Variants in CA1 observed in about 807,000 individuals in gnomAD.
CA1 encodes carbonic anhydrase 1, also known as carbonate dehydratase I.
A neutral mutation model predicts 28.8 loss-of-function variants in CA1; 27 were observed. That is an observed-to-expected ratio of 0.94 (90% CI 0.69 to 1.29). The LOEUF (loss-of-function observed/expected upper bound fraction) is 1.29. CA1 is among the 50% of genes most tolerant of loss of function. CA1 has a pLI of 0.00. For missense variants in CA1, 335 were observed against 310.5 expected, an observed-to-expected ratio of 1.08 and a Z score of -0.59; for synonymous variants, 121 against 108.8, an observed-to-expected ratio of 1.11 and a Z score of -0.70.
chr8:85,331,369 T>G (rs1188766104), intron 6 of CA1, among the ~76,000 whole-genome samples: 1 of 152,128 alleles, frequency 6.6e-6, no homozygotes, highest in African/African-American at 2.4e-5. Context: ...GTCTGACTTT[T>G]TTGTTGTTCT....
chr8:85,343,177 G>A (rs865869389), intron 1 of CA1: 1 of 151,978 alleles, frequency 6.6e-6, no homozygotes, highest in Non-Finnish European at 1.5e-5. Flanking sequence ...AGGATCTCTT[G>A]CACCTAGGAG....
At chr8:85,363,301 G>C (rs1809870449) in intron 1 of CA1, among the ~76,000 whole-genome samples, 1 of 152,200 alleles carries the variant, frequency 6.6e-6, no homozygotes, top group Non-Finnish European at 1.5e-5. Context: ...GTTCATGCAG[G>C]TGATAAATGC....
chr8:85,355,951 TC>T (rs2130315344), intron 1 of CA1, among the ~76,000 whole-genome samples: 1 of 152,210 alleles, frequency 6.6e-6, no homozygotes, highest in Admixed American at 6.5e-5. Flanking sequence ...TTGACATAAT[TC>T]CCATGACAAC....
intron 1 of CA1, 149 bp downstream of exon 1, chr8:85,377,897 G>A (rs901956901): frequency 2.6e-5 from 4 of 152,180 alleles, no homozygotes; most frequent in African/African-American, 9.7e-5. Context: ...AAACTATAAA[G>A]GTTTTTTAAG....
intron 1 of CA1, among the ~76,000 whole-genome samples, chr8:85,346,533 C>T (rs922922339): frequency 1.3e-5 from 2 of 151,968 alleles, no homozygotes; most frequent in Non-Finnish European, 2.9e-5. Flanking sequence ...AAGCTGAGAC[C>T]GGTGGATCAC....
intron 6 of CA1, 113 bp downstream of exon 6, chr8:85,332,377 G>A: frequency 1.3e-6 from 1 of 794,532 alleles, no homozygotes; most frequent in Non-Finnish European, 2.2e-6. Context: ...ATTTTCAGTT[G>A]GTAGCTTTTA....
intron 1 of CA1, among the ~76,000 whole-genome samples, chr8:85,351,196 C>T (rs1809397820): frequency 6.6e-6 from 1 of 152,242 alleles, no homozygotes; most frequent in Admixed American, 6.5e-5. Flanking sequence ...CCAGTGACTT[C>T]TTCCAAGGGA....
At chr8:85,335,745 C>T (rs543347177) in intron 4 of CA1, among the ~76,000 whole-genome samples, 1 of 152,238 alleles carries the variant, frequency 6.6e-6, no homozygotes, top group East Asian at 1.9e-4. Flanking sequence ...AAAGATAATA[C>T]TAATTTAGGC....
intron 1 of CA1, chr8:85,343,099 C>G (rs912492486): frequency 6.6e-6 from 1 of 151,936 alleles, no homozygotes; most frequent in African/African-American, 2.4e-5. Context: ...ACTTTACGTA[C>G]ATTAACTTAT....
chr8:85,336,929 T>C lies in CA1; in HGVS notation c.354+16A>G. The C allele has an allele frequency of 1.4e-6, 2 of 1,449,082 alleles. No individual in the cohort carries two copies. Among genetic ancestry groups the C allele is most frequent in the Non-Finnish European group, 1.9e-6 (2 of 1,029,696 alleles). 89.8% of individuals were successfully genotyped at this position (1,449,082 alleles called of 1,614,324 possible). A position where few individuals can be genotyped will look rare whatever the true frequency, so the allele number is the denominator to read the frequency against. ...ACTCTCAGGGTAATTATCTCTCACT[T>C]ACTAAATTACATTACCTCGGCAGAA... On this transcript the variant is annotated intron_variant, in intron 4 of 7. Coordinates refer to ENST00000523022, the MANE Select transcript of CA1 (RefSeq NM_001128831.4).
chr8:85,334,641 T>G (rs1170830162), intron 4 of CA1, among the ~76,000 whole-genome samples: 8 of 139,710 alleles, frequency 5.7e-5, no homozygotes, highest in African/African-American at 2.1e-4. Flanking sequence ...CCTCCCTCCC[T>G]TCTTTCCTGC....
In CA1 at chr8:85,376,695, AAATAAATAAAT is replaced by A. The variant is rs1312626429; in HGVS notation, c.-25+1340_-25+1350del. Among the ~76,000 whole-genome samples, 26 of 150,798 alleles carry A rather than the reference AAATAAATAAAT, an allele frequency of 1.7e-4. No individual in the cohort carries two copies. The South Asian group carries it at 3.7e-3, about 22-fold the overall frequency. ...TAAATAAATAAATAAATAAATAAAT[AAATAAATAAAT>A]AAAACTAGGTAAGGGTACACATGAT... On this transcript the variant is annotated intron_variant, in intron 1 of 7. Transcript: ENST00000523022.
chr8:85,347,036 G>A (rs1473098704), intron 1 of CA1, among the ~76,000 whole-genome samples: 1 of 152,120 alleles, frequency 6.6e-6, no homozygotes, highest in Non-Finnish European at 1.5e-5. Flanking sequence ...TAATTACCTT[G>A]TAGTAACATC....
In CA1 at chr8:85,336,993, A is replaced by G. The variant is rs1808685060; in HGVS notation, c.306T>C (p.Asn102=). 6.2e-7 allele frequency: 1 copy of G among 1,613,020 alleles called. No homozygotes were observed. The highest frequency in any genetic ancestry group is 2.2e-5 in the East Asian group (1 of 44,846). The change falls in exon 4 of 8, where the codon AAT becomes AAC. Residue 102 remains asparagine (N), a synonymous_variant. Transcript: ENST00000523022. ...CCACTGTATGTTCTGAACCATGCTC[A>G]TTTGTACTGCCCCAGTGAAAATGGA... is the stretch of plus-strand genomic sequence containing the variant. ...FQFHFHWGST[N]EHGSEHTVDG...
intron 7 of CA1, among the ~76,000 whole-genome samples, chr8:85,329,201 CGT>C (rs1808295338): frequency 6.6e-6 from 1 of 152,058 alleles, no homozygotes; most frequent in Non-Finnish European, 1.5e-5. Context: ...ATGTAAGGCA[CGT>C]AATAAACATG....
intron 1 of CA1, among the ~76,000 whole-genome samples, chr8:85,366,165 C>CT (rs11395706): frequency 0.6 from 77,568 of 128,262 alleles, 24,003 homozygotes; most frequent in African/African-American, 0.76. Context: ...CTTTCTTCCC[C>CT]TTTTTTTTTT....
In CA1 at chr8:85,336,948, G is replaced by A. The variant is rs779414954; in HGVS notation, c.351C>T (p.Ala117=). The A allele has an allele frequency of 1.1e-5, 17 of 1,573,180 alleles. No individual in the cohort carries two copies. Among genetic ancestry groups the A allele is most frequent in the East Asian group, 2.2e-5 (1 of 44,612 alleles). The part of the protein sequence containing the change: ...EHTVDGVKYS[A]ELHVAHWNSA... ...CTCACTTACTAAATTACATTACCTC[G>A]GCAGAATATTTGACTCCATCCACTG... is the stretch of plus-strand genomic sequence containing the variant. The change falls in exon 4 of 8, where the codon GCC becomes GCT. Residue 117 remains alanine, a synonymous_variant. Transcript: ENST00000523022.
At chr8:85,353,544 T>C (rs892839912) in intron 1 of CA1, among the ~76,000 whole-genome samples, 1 of 152,234 alleles carries the variant, frequency 6.6e-6, no homozygotes, top group Non-Finnish European at 1.5e-5. Context: ...TCCCTTACTT[T>C]TTCCCCTTAA....
intron 1 of CA1, among the ~76,000 whole-genome samples, chr8:85,355,981 G>A (rs1020809609): frequency 8.6e-5 from 13 of 151,880 alleles, no homozygotes; most frequent in Non-Finnish European, 1.2e-4. Context: ...TGAATATAAC[G>A]TCCTTCATTT....
Sources: gnomAD v4.1 joint callset for allele counts (sites outside exome capture counted in the v4.1 genomes callset) on GRCh38, gnomAD v4.1.1 for gene constraint, MANE v1.5 for transcripts, NCBI Gene and HGNC (gene_info 2026-07-23, HGNC 2026-07-21) for gene names.